NRG3: variants seen among roughly 807,000 people sequenced by gnomAD.
NRG3 encodes the protein neuregulin 3, also known as pro-neuregulin-3, membrane-bound isoform.
A neutral mutation model predicts 66.9 loss-of-function variants in NRG3; 31 were observed. The observed-to-expected ratio is 0.46, with a 90% CI of 0.35 to 0.63. The LOEUF is 0.63. Ranked by LOEUF, NRG3 falls within the 20% of genes least tolerant of loss-of-function variation. The pLI is 0.00. For synonymous variants in NRG3, 393 were observed against 359.4 expected (o/e 1.09, Z -1.06); for missense variants, 910 against 878.9 (o/e 1.04, Z -0.45).
intron 1 of NRG3, among the ~76,000 whole-genome samples, chr10:82,111,604 A>G (rs2067390680): frequency 1.3e-5 from 2 of 152,170 alleles, no homozygotes; most frequent in Admixed American, 1.3e-4. Context: ...AGATCTATCC[A>G]TGAACTCTTT....
chr10:82,691,644 C>A (rs2054936662), intron 2 of NRG3, among the ~76,000 whole-genome samples: 1 of 152,188 alleles, frequency 6.6e-6, no homozygotes, highest in South Asian at 2.1e-4. Context: ...CCATTTTATT[C>A]TCTCTTTAAT....
At chr10:82,139,324 A>G (rs972429307) in intron 1 of NRG3, among the ~76,000 whole-genome samples, 2 of 152,212 alleles carry the variant, frequency 1.3e-5, no homozygotes, top group African/African-American at 4.8e-5. Flanking sequence ...TCATTAATTT[A>G]CTGAGCCAAC....
chr10:82,827,141 A>G (rs1184587123), intron 3 of NRG3: 1 of 343,922 alleles, frequency 2.9e-6, no homozygotes, highest in Non-Finnish European at 5.6e-6. Flanking sequence ...AGATTTTATT[A>G]TACTCAAATG....
At chr10:82,973,073 C>T (rs1013187862) in intron 6 of NRG3, among the ~76,000 whole-genome samples, 7 of 152,154 alleles carry the variant, frequency 4.6e-5, no homozygotes, top group Admixed American at 1.3e-4. Flanking sequence ...CCACCTGTTC[C>T]AGCGCCCAGT....
chr10:82,396,259 C>T (rs922582819), intron 2 of NRG3, among the ~76,000 whole-genome samples: 1 of 152,134 alleles, frequency 6.6e-6, no homozygotes, highest in African/African-American at 2.4e-5. Flanking sequence ...TTGTCACTAC[C>T]ACTTTCCATA....
intron 1 of NRG3, among the ~76,000 whole-genome samples, chr10:81,937,021 G>A (rs1052939254): frequency 6.6e-5 from 10 of 152,046 alleles, no homozygotes; most frequent in South Asian, 2.1e-4. Context: ...ACATGAAATC[G>A]TGAAACATTT....
At chr10:82,898,790 T>C (rs10885472) in intron 4 of NRG3, among the ~76,000 whole-genome samples, 51,888 of 146,556 alleles carry the variant, frequency 0.35, 9,702 homozygotes, top group East Asian at 0.53. Flanking sequence ...TGTGCGATCT[T>C]GGCTCACTGC....
In NRG3 at chr10:82,853,392, A is replaced by G. The variant is rs1265899553; in HGVS notation, c.1028-12019A>G. Among the ~76,000 whole-genome samples, 4 of 152,114 alleles carry G rather than the reference A, an allele frequency of 2.6e-5. 1 individual carries two copies. The South Asian group carries it at 6.2e-4, about 24-fold the overall frequency. ...GTAGATTGCTTTTGGCAGCATGGTC[A>G]TTTTCACAATATTGATTCTACCCAT... On this transcript the variant is annotated intron_variant, in intron 3 of 8. Coordinates refer to ENST00000372141, the MANE Select transcript of NRG3 (RefSeq NM_001010848.4).
intron 1 of NRG3, among the ~76,000 whole-genome samples, chr10:81,998,783 C>T (rs898554784): frequency 6.6e-6 from 1 of 152,154 alleles, no homozygotes; most frequent in Non-Finnish European, 1.5e-5. Context: ...TTAAGTAGGG[C>T]TTCCCTTTTA....
intron 2 of NRG3, among the ~76,000 whole-genome samples, chr10:82,631,396 C>T (rs962516427): frequency 2.6e-5 from 4 of 152,228 alleles, no homozygotes; most frequent in African/African-American, 4.8e-5. Flanking sequence ...CCCATCGTCT[C>T]TATATTTTGA....
intron 1 of NRG3, among the ~76,000 whole-genome samples, chr10:82,235,141 A>C (rs2076691930): frequency 6.6e-6 from 1 of 152,258 alleles, no homozygotes; most frequent in African/African-American, 2.4e-5. Flanking sequence ...AATGGCCTGA[A>C]GTCCAGATCC....
chr10:82,020,862 G>A (rs1187467622), intron 1 of NRG3, among the ~76,000 whole-genome samples: 1 of 151,986 alleles, frequency 6.6e-6, no homozygotes, highest in Admixed American at 6.6e-5. Flanking sequence ...TAATATAGCT[G>A]GATCGACTTT....
chr10:82,615,853 C>T (rs2048611774), intron 2 of NRG3, among the ~76,000 whole-genome samples: 1 of 152,148 alleles, frequency 6.6e-6, no homozygotes, highest in African/African-American at 2.4e-5. Context: ...TTAAAACAGA[C>T]AAGCACACGA....
At chr10:82,894,443 T>A (rs941360396) in intron 4 of NRG3, among the ~76,000 whole-genome samples, 18 of 152,324 alleles carry the variant, frequency 1.2e-4, no homozygotes, top group Non-Finnish European at 2.5e-4. Flanking sequence ...AGATTTAAGC[T>A]GCTCTACAAA....
At chr10:82,145,826 A>G (rs896948390) in intron 1 of NRG3, among the ~76,000 whole-genome samples, 1 of 152,126 alleles carries the variant, frequency 6.6e-6, no homozygotes. Context: ...ATATATCCAG[A>G]GGCAGTTTTT....
At chr10:82,771,348 G>C (rs1471448760) in intron 3 of NRG3, among the ~76,000 whole-genome samples, 1 of 152,044 alleles carries the variant, frequency 6.6e-6, no homozygotes, top group East Asian at 1.9e-4. Context: ...AAATTTAAAA[G>C]AAGACATAAA....
At chr10:81,941,570 A>G (rs554112764) in intron 1 of NRG3, among the ~76,000 whole-genome samples, 1 of 152,266 alleles carries the variant, frequency 6.6e-6, no homozygotes, top group South Asian at 2.1e-4. Context: ...TCAGGCTAAG[A>G]GATCGTTTTA....
intron 2 of NRG3, among the ~76,000 whole-genome samples, chr10:82,552,366 T>A (rs1232052297): frequency 6.6e-6 from 1 of 152,160 alleles, no homozygotes; most frequent in East Asian, 1.9e-4. Flanking sequence ...CACATGGATT[T>A]AAACTTACTT....
intron 2 of NRG3, among the ~76,000 whole-genome samples, chr10:82,639,150 A>C (rs2050397600): frequency 1.3e-5 from 2 of 152,162 alleles, no homozygotes; most frequent in Admixed American, 1.3e-4. Context: ...TGTATAACAA[A>C]ATTACTTAAA....
Sources: allele counts gnomAD v4.1 joint callset (sites outside exome capture counted in the v4.1 genomes callset), GRCh38; gene constraint gnomAD v4.1.1; transcripts MANE v1.5; gene names NCBI Gene and HGNC (gene_info 2026-07-23, HGNC 2026-07-21).